The following SLC16A3 variants were observed in gnomAD, a reference collection of about 807,000 sequenced individuals.
SLC16A3 encodes monocarboxylate transporter 4.
SLC16A3 carries 22 observed loss-of-function variants against 25.0 expected under a neutral mutation model. The observed-to-expected ratio is 0.88, with a 90% CI of 0.63 to 1.26. SLC16A3 has a LOEUF of 1.26. Ranked by LOEUF, SLC16A3 falls within the 50% of genes most tolerant of loss-of-function variation. The pLI, the probability that SLC16A3 is intolerant of heterozygous loss-of-function variation, is 0.00. For missense variants in SLC16A3, 731 were observed against 666.6 expected (o/e 1.10, Z -1.06); for synonymous variants, 390 against 309.2 (o/e 1.26, Z -2.74).
At chr17:82,234,338 G>C (rs1259039191) in intron 1 of SLC16A3, 1 of 152,366 alleles carries the variant, frequency 6.6e-6, no homozygotes, top group Non-Finnish European at 1.5e-5. Flanking sequence ...CCGGTGTCCA[G>C]GTGCAGAGGC....
At chr17:82,238,539 G>GGGCATCTC (rs1423572607) in intron 4 of SLC16A3, among the ~76,000 whole-genome samples, 163 bp from the exon 5 acceptor site, 6 of 152,176 alleles carry the variant, frequency 3.9e-5, no homozygotes, top group Admixed American at 3.3e-4. Context: ...GATGCCCCCA[G>GGGCATCTC]CTGAAACACA....
rs1198697221 is a variant in SLC16A3, at chr17:82,237,577, C to G, written c.807C>G (p.Ile269Met). Residue 269 changes from isoleucine to methionine, a missense_variant, in exon 4 of 5, where the codon ATC becomes ATG. Ile to Met is a conservative substitution (Grantham distance 10). Transcript: ENST00000582743. The part of the protein sequence containing the change: ...PDTKAAFLLT[I>M]LGFIDIFARP... ...CCAAGGCCGCCTTCCTGCTCACCAT[C>G]CTGGGCTTCATTGACATCTTCGCGC... 2 of 1,612,440 alleles carry G rather than the reference C, an allele frequency of 1.2e-6. No individual in the cohort carries two copies. Among genetic ancestry groups the G allele is most frequent in the African/African-American group, 2.7e-5 (2 of 75,042 alleles).
At chr17:82,226,516 C>A (rs2050422822), upstream of SLC16A3, among the ~76,000 whole-genome samples, 1 of 152,144 alleles carries the variant, frequency 6.6e-6, no homozygotes, top group Non-Finnish European at 1.5e-5. Context: ...AAGTGCCTCT[C>A]CCCTGCACCA....
In SLC16A3 at chr17:82,236,240, G is replaced by T; in HGVS notation, c.223+9G>T. 2 of 1,610,336 alleles carry T rather than the reference G, an allele frequency of 1.2e-6. No homozygotes were observed. The highest frequency in any genetic ancestry group is 1.7e-6 in the Non-Finnish European group (2 of 1,177,904). ...CATGCTCTACGGGACAGGTGAGGGTGGCCTCACACCGGGCCCCCTGTCCGG... is the reference window on the plus strand; with the variant it reads ...CATGCTCTACGGGACAGGTGAGGGTTGCCTCACACCGGGCCCCCTGTCCGG... On this transcript the variant is annotated intron_variant, in intron 2 of 4. Coordinates refer to ENST00000582743, the MANE Select transcript of SLC16A3 (RefSeq NM_004207.4).
upstream of SLC16A3, among the ~76,000 whole-genome samples, chr17:82,225,707 G>A (rs145454129): frequency 1.9e-4 from 29 of 152,350 alleles, no homozygotes; most frequent in East Asian, 1.2e-3. Flanking sequence ...TGGGTGGTAC[G>A]GCCAAGACTG....
intron 1 of SLC16A3, among the ~76,000 whole-genome samples, chr17:82,218,353 G>A (rs1425440823): frequency 8.0e-6 from 1 of 125,522 alleles, no homozygotes; most frequent in East Asian, 2.4e-4. Flanking sequence ...GGGGGTGGAC[G>A]GCCAAGGGGA....
chr17:82,222,803 C>CGA (rs2050397440), intron 1 of SLC16A3, among the ~76,000 whole-genome samples: 1 of 104,666 alleles, frequency 9.6e-6, no homozygotes, highest in African/African-American at 3.8e-5. Flanking sequence ...GACTCCGTCT[C>CGA]AAAAAAAAAA....
At chr17:82,225,622 C>T (rs778125003), upstream of SLC16A3, among the ~76,000 whole-genome samples, 2 of 152,176 alleles carry the variant, frequency 1.3e-5, no homozygotes, top group African/African-American at 4.8e-5. Context: ...GAATGTCCTT[C>T]CCCGTGACTC....
rs754234170 is a variant in SLC16A3 at position 82,237,699 on chromosome 17, TGGCGGGTTCTAC to T, written c.936_947del (p.Ser313_Gly316del). 2.5e-6 allele frequency: 4 copies of T among 1,612,772 alleles called. No homozygotes were observed. Among genetic ancestry groups the T allele is most frequent in the East Asian group, 2.2e-5 (1 of 44,862 alleles). ...ATGTTCTTCAACGGCCTCGCGGACC[TGGCGGGTTCTAC>T]GGCGGGCGACTACGGCGGCCTCGTG... On this transcript the variant is annotated inframe_deletion, in exon 4 of 5. Transcript: ENST00000582743.
chr17:82,226,477 A>G (rs2050422671), upstream of SLC16A3, among the ~76,000 whole-genome samples: 1 of 152,086 alleles, frequency 6.6e-6, no homozygotes, highest in African/African-American at 2.4e-5. Flanking sequence ...CCAGACCCCC[A>G]GCGGGCCAGG....
At chr17:82,225,848 T>C (rs1003972753), upstream of SLC16A3, among the ~76,000 whole-genome samples, 2 of 151,962 alleles carry the variant, frequency 1.3e-5, no homozygotes, top group African/African-American at 4.8e-5. Context: ...CCCTGATAGG[T>C]CCGGGGGCCT....
intron 1 of SLC16A3, among the ~76,000 whole-genome samples, chr17:82,232,928 G>GGGC (rs2050523689): frequency 6.7e-6 from 1 of 148,172 alleles, no homozygotes; most frequent in Admixed American, 6.7e-5. Context: ...CGGGGGGGGG[G>GGGC]TTGGTAAATG....
At chr17:82,224,376 T>A (rs1177608637), upstream of SLC16A3, among the ~76,000 whole-genome samples, 3 of 73,096 alleles carry the variant, frequency 4.1e-5, no homozygotes, top group African/African-American at 1.9e-4. Context: ...ACCCGTGCAG[T>A]CACCTGTGCA....
rs145603926 is a variant in SLC16A3 at position 82,237,670 on chromosome 17, C to G, written c.900C>G (p.Phe300Leu). Residue 300 changes from phenylalanine (F) to leucine (L), a missense_variant, in exon 4 of 5, where the codon TTC becomes TTG. Phe to Leu is a conservative substitution (Grantham distance 22). Transcript: ENST00000582743. ...VRPYSVYLFS[F>L]SMFFNGLADL... ...CCTACTCCGTCTACCTCTTCAGCTT[C>G]TCCATGTTCTTCAACGGCCTCGCGG... 301 of 1,612,806 alleles carry G rather than the reference C, an allele frequency of 1.9e-4. No individual in the cohort carries two copies. Among genetic ancestry groups the G allele is most frequent in the Non-Finnish European group, 2.4e-4 (289 of 1,179,806 alleles).
At chr17:82,228,325 G>C (rs2050440786), upstream of SLC16A3, 1 of 152,308 alleles carries the variant, frequency 6.6e-6, no homozygotes, top group Non-Finnish European at 1.5e-5. Flanking sequence ...CTCCGCGTCG[G>C]GTTCTGGGCC....
chr17:82,219,475 C>G (rs2050375482), intron 1 of SLC16A3, among the ~76,000 whole-genome samples: 3 of 152,114 alleles, frequency 2.0e-5, no homozygotes, highest in Admixed American at 2.0e-4. Flanking sequence ...TCCCCAGGAG[C>G]CAGTGGCCGC....
intron 1 of SLC16A3, among the ~76,000 whole-genome samples, chr17:82,222,973 G>A (rs1278969761): frequency 6.6e-6 from 1 of 151,952 alleles, no homozygotes; most frequent in Non-Finnish European, 1.5e-5. Flanking sequence ...ACAGACAGCA[G>A]ATGGGTGGAT....
intron 2 of SLC16A3, 31 bp from the exon 3 acceptor site, chr17:82,236,698 C>T (rs1455060337): frequency 1.2e-5 from 19 of 1,591,942 alleles, no homozygotes; most frequent in Non-Finnish European, 1.4e-5. Context: ...TGGCTGCAGG[C>T]CCGGCCCCTC....
At chr17:82,236,349 G>A in intron 2 of SLC16A3, 118 bp downstream of exon 2, 1 of 954,476 alleles carries the variant, frequency 1.0e-6, no homozygotes. Context: ...AACCCTGGAG[G>A]GAAGCCCTTG....
Sources: allele counts gnomAD v4.1 joint callset (sites outside exome capture counted in the v4.1 genomes callset), GRCh38; gene constraint gnomAD v4.1.1; transcripts MANE v1.5; gene names NCBI Gene and HGNC (gene_info 2026-07-23, HGNC 2026-07-21).